The following ADGRB3 variants were observed in gnomAD, a reference collection of about 807,000 sequenced individuals.
ADGRB3 encodes the protein brain-specific angiogenesis inhibitor 3.
Under a neutral mutation model 193.4 loss-of-function variants are expected in ADGRB3, and 37 were observed. The observed-to-expected ratio is 0.19, with a 90% CI of 0.15 to 0.25. ADGRB3 has a LOEUF of 0.25. ADGRB3 is among the 10% of genes least tolerant of loss of function. The probability of loss-of-function intolerance (pLI) is 1.00; values close to 1 mark genes in which losing one functional copy is unlikely to be tolerated. For synonymous variants in ADGRB3, 690 were observed against 644.2 expected, an observed-to-expected ratio of 1.07 and a Z score of -1.08; for missense variants, 1,637 against 1,852.9, an observed-to-expected ratio of 0.88 and a Z score of 2.14.
At chr6:69,277,720 G>A (rs888607067) in intron 20 of ADGRB3, among the ~76,000 whole-genome samples, 2 of 152,144 alleles carry the variant, frequency 1.3e-5, no homozygotes, top group African/African-American at 4.8e-5. Context: ...TAAGAAAAAA[G>A]AGAAATGGCG....
intron 13 of ADGRB3, among the ~76,000 whole-genome samples, chr6:69,030,239 C>G (rs1212069512): frequency 6.6e-6 from 1 of 152,060 alleles, no homozygotes; most frequent in African/African-American, 2.4e-5. Flanking sequence ...AGAAATACCA[C>G]TTGACCCAGC....
intron 20 of ADGRB3, among the ~76,000 whole-genome samples, chr6:69,251,978 T>C (rs999758436): frequency 5.3e-5 from 8 of 152,270 alleles, no homozygotes; most frequent in African/African-American, 1.9e-4. Flanking sequence ...GTTGGACCAA[T>C]ATATACTTAT....
chr6:69,137,674 G>A (rs1471313672), intron 17 of ADGRB3, among the ~76,000 whole-genome samples: 1 of 152,086 alleles, frequency 6.6e-6, no homozygotes, highest in African/African-American at 2.4e-5. Context: ...GCTGGCTCCT[G>A]TAGTCCCAGC....
chr6:68,902,292 C>G (rs1168736225), intron 3 of ADGRB3, among the ~76,000 whole-genome samples: 2 of 151,994 alleles, frequency 1.3e-5, no homozygotes, highest in African/African-American at 2.4e-5. Context: ...TAGAGACGTT[C>G]TCTGAAACAT....
intron 17 of ADGRB3, among the ~76,000 whole-genome samples, chr6:69,182,617 C>T (rs1351129678): frequency 1.3e-5 from 2 of 151,740 alleles, no homozygotes; most frequent in African/African-American, 4.8e-5. Context: ...TTTTTTTCAT[C>T]ACTGCCATTA....
At chr6:68,720,894 T>C (rs1259424674) in intron 3 of ADGRB3, among the ~76,000 whole-genome samples, 1 of 151,772 alleles carries the variant, frequency 6.6e-6, no homozygotes, top group East Asian at 1.9e-4. Flanking sequence ...ATTATAATGA[T>C]TGTTGTCTTC....
At chr6:68,826,806 GA>G (rs1335487438) in intron 3 of ADGRB3, among the ~76,000 whole-genome samples, 1 of 152,142 alleles carries the variant, frequency 6.6e-6, no homozygotes, top group African/African-American at 2.4e-5. Context: ...ATGTGGGTGT[GA>G]AATAGAAGAG....
At chr6:68,937,714 G>A (rs929362129) in intron 5 of ADGRB3, among the ~76,000 whole-genome samples, 5 of 152,262 alleles carry the variant, frequency 3.3e-5, no homozygotes, top group East Asian at 3.9e-4. Flanking sequence ...TGGGTGGCAC[G>A]GAGTAAGAAC....
intron 3 of ADGRB3, among the ~76,000 whole-genome samples, chr6:68,877,757 A>G (rs1380450572): frequency 6.6e-6 from 1 of 152,258 alleles, no homozygotes; most frequent in East Asian, 1.9e-4. Flanking sequence ...TATAAAACCA[A>G]TTTATATCAA....
chr6:69,371,560 T>C (rs1277989231), intron 29 of ADGRB3, among the ~76,000 whole-genome samples: 2 of 152,082 alleles, frequency 1.3e-5, no homozygotes, highest in Non-Finnish European at 2.9e-5. Flanking sequence ...CATCAAAAAA[T>C]TCTAAATTTA....
At chr6:68,795,249 T>C (rs1298112197) in intron 3 of ADGRB3, among the ~76,000 whole-genome samples, 1 of 151,958 alleles carries the variant, frequency 6.6e-6, no homozygotes, top group Non-Finnish European at 1.5e-5. Context: ...GTCTTGTAAT[T>C]AGTGTCTGGC....
chr6:69,332,059 G>A, intron 23 of ADGRB3: 1 of 985,360 alleles, frequency 1.0e-6, no homozygotes, highest in Non-Finnish European at 1.2e-6. Flanking sequence ...ATTGGAAAGA[G>A]GCCAGAAAGG....
chr6:68,644,122 A>G (rs1388669315), intron 3 of ADGRB3, among the ~76,000 whole-genome samples: 2 of 152,082 alleles, frequency 1.3e-5, no homozygotes, highest in Admixed American at 1.3e-4. Flanking sequence ...AAAAAACTCA[A>G]TAGGAAAGAC....
Position 69,254,556 on chromosome 6 carries a change from A to C in ADGRB3, c.2814+15330A>C, listed in dbSNP as rs558637480. Among the ~76,000 whole-genome samples the C allele has an allele frequency of 2.6e-5, 4 of 152,102 alleles. No homozygotes were observed. In the East Asian group the frequency reaches 7.7e-4, roughly 29 times the overall value. On this transcript the variant is annotated intron_variant, in intron 20 of 31. Coordinates refer to ENST00000370598, the MANE Select transcript of ADGRB3 (RefSeq NM_001704.3). ...CTTTATGTTTTTTCTTTTATTTTTTATACTGTCAAGAAAAAATGATGCATT... is the reference window on the plus strand; with the variant it reads ...CTTTATGTTTTTTCTTTTATTTTTTCTACTGTCAAGAAAAAATGATGCATT...
chr6:69,073,135 C>T (rs1772125734), intron 16 of ADGRB3, among the ~76,000 whole-genome samples: 1 of 152,164 alleles, frequency 6.6e-6, no homozygotes, highest in Non-Finnish European at 1.5e-5. Context: ...CAGGAACATT[C>T]CATGTCTATG....
intron 20 of ADGRB3, among the ~76,000 whole-genome samples, chr6:69,295,086 C>T (rs147874134): frequency 4.3e-4 from 66 of 152,212 alleles, no homozygotes; most frequent in African/African-American, 1.5e-3. Context: ...CATTTGGCAA[C>T]AGAGGGAAAG....
intron 3 of ADGRB3, among the ~76,000 whole-genome samples, chr6:68,923,839 A>C (rs1004489093): frequency 1.3e-5 from 2 of 152,066 alleles, no homozygotes; most frequent in Non-Finnish European, 2.9e-5. Context: ...AGAAATAACC[A>C]TCCAGGGACA....
intron 3 of ADGRB3, among the ~76,000 whole-genome samples, chr6:68,652,183 G>A (rs752664742): frequency 3.3e-5 from 5 of 152,032 alleles, no homozygotes; most frequent in South Asian, 2.1e-4. Context: ...TCCGATAAGC[G>A]TTCTCTGTCA....
intron 15 of ADGRB3, among the ~76,000 whole-genome samples, chr6:69,056,150 T>C (rs1353830470): frequency 1.3e-5 from 2 of 152,140 alleles, no homozygotes; most frequent in Non-Finnish European, 2.9e-5. Context: ...TTTTTAATAA[T>C]GGTTATCCTA....
Sources: allele counts gnomAD v4.1 joint callset (sites outside exome capture counted in the v4.1 genomes callset), GRCh38; gene constraint gnomAD v4.1.1; transcripts MANE v1.5; gene names NCBI Gene and HGNC (gene_info 2026-07-23, HGNC 2026-07-21).